RGPD4: variants seen among roughly 807,000 people sequenced by gnomAD.
RGPD4 encodes the protein ranBP2-like and GRIP domain-containing protein 4.
Under a neutral mutation model 141.1 loss-of-function variants are expected in RGPD4, and 84 were observed. That is an observed-to-expected ratio of 0.60 (90% CI 0.50 to 0.71). The LOEUF is 0.71. Among genes scored for constraint, RGPD4 ranks in the 30% least tolerant of loss-of-function variants. The pLI is 0.00. For synonymous variants in RGPD4, 298 were observed against 566.8 expected, an observed-to-expected ratio of 0.53 and a Z score of 6.74; for missense variants, 918 against 1,622.4, an observed-to-expected ratio of 0.57 and a Z score of 7.46.
chr2:107,844,838 T>TG (rs1681864366), intron 6 of RGPD4, among the ~76,000 whole-genome samples: 1 of 93,680 alleles, frequency 1.1e-5, no homozygotes, highest in East Asian at 2.3e-4. Flanking sequence ...TTGTTTTTTT[T>TG]TTTTTTTTTT....
At chr2:107,869,839 T>C (rs1468893686) in intron 18 of RGPD4, 44 bp from the exon 19 acceptor site, 2 of 1,528,940 alleles carry the variant, frequency 1.3e-6, no homozygotes, top group East Asian at 2.3e-5. Flanking sequence ...AACTGTAGTA[T>C]AGACTTTAAC....
At chr2:107,861,848 T>A in intron 15 of RGPD4, 108 bp downstream of exon 15, 1 of 1,558,750 alleles carries the variant, frequency 6.4e-7, no homozygotes, top group Non-Finnish European at 8.7e-7. Context: ...TAATATGTTG[T>A]TATTAATGCA....
chr2:107,858,113 A>G (rs1682392491), intron 9 of RGPD4, among the ~76,000 whole-genome samples: 2 of 151,982 alleles, frequency 1.3e-5, no homozygotes, highest in African/African-American at 4.8e-5. Context: ...TCTGTATTAA[A>G]ACTATAAATA....
chr2:107,854,540 A>G lies in RGPD4; in HGVS notation c.979-16A>G. On this transcript the variant is annotated splice_polypyrimidine_tract_variant and intron_variant, in intron 7 of 22. Transcript: ENST00000408999. ...GGGTATCATCAAATTAAGATTTTTG[A>G]TTCTAAAATTATTAGGTTCCAAGAC... The G allele has an allele frequency of 3.0e-6, 4 of 1,343,202 alleles. No homozygotes were observed. The highest frequency in any genetic ancestry group is 4.1e-6 in the Non-Finnish European group (4 of 986,322). The allele number at this position is 1,343,202 out of a possible 1,614,324, so 83.2% of individuals were successfully genotyped here.
At chr2:107,845,323 T>A (rs867187224) in intron 6 of RGPD4, among the ~76,000 whole-genome samples, 20 of 133,398 alleles carry the variant, frequency 1.5e-4, no homozygotes, top group African/African-American at 5.5e-4. Context: ...ACTGCAAGCT[T>A]CACAATTTCC....
intron 22 of RGPD4, among the ~76,000 whole-genome samples, chr2:107,884,770 G>A (rs907718225): frequency 4.4e-4 from 66 of 150,296 alleles, no homozygotes; most frequent in African/African-American, 1.6e-3. Context: ...AATTGAGCAG[G>A]CATCTGAATC....
chr2:107,859,350 CTAACT>C (rs1335176854), intron 10 of RGPD4, 24 bp from the exon 11 acceptor site: 2 of 1,589,454 alleles, frequency 1.3e-6, no homozygotes, highest in African/African-American at 2.9e-5. Context: ...ATTTTTTTTT[CTAACT>C]TAACTTTTCC....
Position 107,859,530 on chromosome 2 carries a change from G to C in RGPD4, c.1610G>C (p.Cys537Ser), listed in dbSNP as rs779626810. Residue 537 changes from cysteine (C) to serine (S), a missense_variant, in exon 11 of 23, where the codon TGT becomes TCT. Physicochemically the swap from Cys to Ser is moderately radical, Grantham distance 112. Transcript: ENST00000408999. ...CAAAAATCTTGGTGGGATGCGGTTT[G>C]TACTCTGATTCACAGAAAAGCAGTG... is the stretch of plus-strand genomic sequence containing the variant. ...ERQKSWWDAVCTLIHRKAVPG... is the reference protein window; with the variant it reads ...ERQKSWWDAVSTLIHRKAVPG... 6.2e-7 allele frequency: 1 copy of C among 1,611,390 alleles called. No individual in the cohort carries two copies. The highest frequency in any genetic ancestry group is 2.2e-5 in the East Asian group (1 of 44,866).
chr2:107,827,179 AT>A, intron 1 of RGPD4, 94 bp downstream of exon 1: 2 of 350,640 alleles, frequency 5.7e-6, no homozygotes, highest in Admixed American at 1.1e-4. Flanking sequence ...CTCAGGCGTC[AT>A]GGCTCCCGAC....
At chr2:107,847,074 C>T (rs1003065556) in intron 6 of RGPD4, among the ~76,000 whole-genome samples, 3 of 150,122 alleles carry the variant, frequency 2.0e-5, no homozygotes, top group Admixed American at 6.6e-5. Flanking sequence ...AACCTTGTCT[C>T]TACTAAAAAT....
chr2:107,844,837 T>TTTG (rs1558795046), intron 6 of RGPD4, among the ~76,000 whole-genome samples: 3 of 91,626 alleles, frequency 3.3e-5, no homozygotes, highest in Non-Finnish European at 6.8e-5. Context: ...TTTGTTTTTT[T>TTTG]TTTTTTTTTT....
At chr2:107,836,941 G>A (rs1681683727) in intron 2 of RGPD4, among the ~76,000 whole-genome samples, 1 of 79,190 alleles carries the variant, frequency 1.3e-5, no homozygotes, top group South Asian at 4.5e-4. Context: ...TTCTGTTGAA[G>A]TAAAAGAGGA....
rs1032081771 is a variant in RGPD4 at position 107,846,723 on chromosome 2, C to G, written c.783-1618C>G. ...CCTCAGGTGATCCACCCGCCTCAGC[C>G]TCCCAAAGTGCTGGAATTACATGTG... On this transcript the variant is annotated intron_variant, in intron 6 of 22. Transcript: ENST00000408999. 9.9e-4 allele frequency among the ~76,000 whole-genome samples: 149 copies of G among 151,144 alleles called. 2 individuals are homozygous for G. The highest frequency in any genetic ancestry group is 3.6e-3 in the African/African-American group (147 of 40,862).
In RGPD4 at chr2:107,831,455, A is replaced by C. The variant is rs1573460985; in HGVS notation, c.72+4370A>C. On this transcript the variant is annotated intron_variant, in intron 1 of 22. Coordinates refer to ENST00000408999, the MANE Select transcript of RGPD4 (RefSeq NM_182588.3). ...CAGGCAGGCACCTTTGACAGCTGTTAGTTGTTTTTTCTGCCCTTTACATCT... is the reference window on the plus strand; with the variant it reads ...CAGGCAGGCACCTTTGACAGCTGTTCGTTGTTTTTTCTGCCCTTTACATCT... Among the ~76,000 whole-genome samples the C allele has an allele frequency of 2.1e-5, 3 of 146,340 alleles. No homozygotes were observed. The South Asian group carries it at 6.6e-4, about 32-fold the overall frequency.
chr2:107,876,500 A>G (rs1276494232), intron 20 of RGPD4, among the ~76,000 whole-genome samples: 1 of 151,312 alleles, frequency 6.6e-6, no homozygotes, highest in Non-Finnish European at 1.5e-5. Flanking sequence ...AGGAACTTAG[A>G]AACACTCAAG....
intron 1 of RGPD4, among the ~76,000 whole-genome samples, chr2:107,834,171 C>A (rs2912729): frequency 6.6e-6 from 1 of 151,288 alleles, no homozygotes; most frequent in Non-Finnish European, 1.5e-5. Context: ...CATTGAGCAA[C>A]GTTTTGTAAT....
At chr2:107,885,980 G>A (rs1364729076) in intron 22 of RGPD4, among the ~76,000 whole-genome samples, 1 of 151,280 alleles carries the variant, frequency 6.6e-6, no homozygotes, top group African/African-American at 2.4e-5. Context: ...TTGAACCCAG[G>A]AGGCAGAGGT....
At chr2:107,829,848 C>T (rs995481203) in intron 1 of RGPD4, among the ~76,000 whole-genome samples, 4 of 152,042 alleles carry the variant, frequency 2.6e-5, no homozygotes, top group African/African-American at 4.8e-5. Flanking sequence ...CTTAGGCACC[C>T]GGGTGCTGTA....
In RGPD4 at chr2:107,872,779, G is replaced by T; in HGVS notation, c.4775G>T (p.Gly1592Val). 6.2e-7 allele frequency: 1 copy of T among 1,611,172 alleles called. No individual in the cohort carries two copies. Among genetic ancestry groups the T allele is most frequent in the Non-Finnish European group, 8.5e-7 (1 of 1,179,802 alleles). ...GAAACTAGTTCAGTAGCCCAGAGTGGATCTGAAAGCAAAGTGGAACCTAAA... is the reference window on the plus strand; with the variant it reads ...GAAACTAGTTCAGTAGCCCAGAGTGTATCTGAAAGCAAAGTGGAACCTAAA... ...NSETSSVAQS[G>V]SESKVEPKKC... Residue 1592 changes from glycine to valine, a missense_variant, in exon 20 of 23, where the codon GGA (glycine) becomes GTA (valine). Coordinates refer to ENST00000408999, the MANE Select transcript of RGPD4 (RefSeq NM_182588.3).
Sources: gnomAD v4.1 joint callset for allele counts (sites outside exome capture counted in the v4.1 genomes callset) on GRCh38, gnomAD v4.1.1 for gene constraint, MANE v1.5 for transcripts, NCBI Gene and HGNC (gene_info 2026-07-23, HGNC 2026-07-21) for gene names.